Variants in LPIN1 observed in about 807,000 individuals in gnomAD.
LPIN1 encodes lipin 1.
LPIN1 carries 71 observed loss-of-function variants against 107.5 expected under a neutral mutation model. That is an observed-to-expected ratio of 0.66 (90% CI 0.55 to 0.80). The LOEUF is 0.80. Among genes scored for constraint, LPIN1 ranks in the 30% least tolerant of loss-of-function variants. LPIN1 has a pLI of 0.00. For missense variants in LPIN1, 1,043 were observed against 1,160.6 expected, an observed-to-expected ratio of 0.90 and a Z score of 1.47; for synonymous variants, 445 against 452.6, an observed-to-expected ratio of 0.98 and a Z score of 0.21.
intron 17 of LPIN1, among the ~76,000 whole-genome samples, chr2:11,809,695 C>T (rs913944382): frequency 3.3e-5 from 5 of 152,202 alleles, no homozygotes; most frequent in Admixed American, 2.0e-4. Flanking sequence ...GGATTACAGG[C>T]GTGAGCCACT....
intron 19 of LPIN1, 42 bp from the exon 20 acceptor site, chr2:11,820,369 T>G (rs1176859110): frequency 7.6e-7 from 1 of 1,316,094 alleles, no homozygotes; most frequent in African/African-American, 1.4e-5. Flanking sequence ...TACAATGAAC[T>G]CTTTTCTAAT....
chr2:11,810,643 G>T (rs1219045316), intron 17 of LPIN1, among the ~76,000 whole-genome samples: 3 of 152,136 alleles, frequency 2.0e-5, no homozygotes, highest in Non-Finnish European at 1.5e-5. Flanking sequence ...CTCAACTGAC[G>T]GACATATGGC....
At chr2:11,747,528 C>T (rs920789845) in intron 1 of LPIN1, among the ~76,000 whole-genome samples, 17 of 152,120 alleles carry the variant, frequency 1.1e-4, no homozygotes, top group African/African-American at 3.9e-4. Context: ...TTTTAGAACC[C>T]GGCAGTTTCC....
chr2:11,822,277 C>CAA (rs751514674), intron 20 of LPIN1, among the ~76,000 whole-genome samples: 195 of 78,858 alleles, frequency 2.5e-3, no homozygotes, highest in African/African-American at 6.0e-3. Flanking sequence ...CTAGAAATGC[C>CAA]AAAAAAAAAA....
chr2:11,776,990 T>A (rs6717771), intron 6 of LPIN1, among the ~76,000 whole-genome samples: 48,155 of 152,166 alleles, frequency 0.32, 10,654 homozygotes, highest in African/African-American at 0.63. Context: ...ACAAAGTTGT[T>A]AATAGTTAAA....
At chr2:11,711,205 G>A (rs13390584) in intron 1 of LPIN1, among the ~76,000 whole-genome samples, 23,486 of 152,088 alleles carry the variant, frequency 0.15, 2,009 homozygotes, top group East Asian at 0.3. Context: ...GAAGAATTTG[G>A]GTTGGATGGT....
chr2:11,789,529 CAT>C (rs1229990537), intron 12 of LPIN1, among the ~76,000 whole-genome samples: 7 of 143,460 alleles, frequency 4.9e-5, no homozygotes, highest in Non-Finnish European at 9.3e-5. Flanking sequence ...TGGATGTGCA[CAT>C]GTGTGCGTGC....
At position 11,795,452 on chromosome 2, in the gene LPIN1, C is replaced by A. The variant is rs145533166; in HGVS notation, c.1851C>A (p.Thr617=). ...EQCLAGKAHS[T]GEQPPQLSLA... ...GCTTGGCTGGCAAGGCCCATAGCACCGGAGAGCAACCGCCGCAGCTCAGCT... is the reference window on the plus strand; with the variant it reads ...GCTTGGCTGGCAAGGCCCATAGCACAGGAGAGCAACCGCCGCAGCTCAGCT... Residue 617 remains threonine, a synonymous_variant, in exon 14 of 21, where the codon ACC becomes ACA. Coordinates refer to ENST00000674199, the MANE Select transcript of LPIN1 (RefSeq NM_001349206.2). 1 of 1,614,072 alleles carries A rather than the reference C, an allele frequency of 6.2e-7. No individual in the cohort carries two copies. Among genetic ancestry groups the A allele is most frequent in the Non-Finnish European group, 8.5e-7 (1 of 1,180,020 alleles).
At chr2:11,699,189 A>G (rs1430791125) in intron 1 of LPIN1, among the ~76,000 whole-genome samples, 1 of 152,216 alleles carries the variant, frequency 6.6e-6, no homozygotes, top group Non-Finnish European at 1.5e-5. Flanking sequence ...AAACCAAAAG[A>G]TGGGACACTC....
Position 11,805,180 on chromosome 2 carries a change from C to T in LPIN1, c.2249+24C>T, listed in dbSNP as rs774294301. The T allele has an allele frequency of 2.8e-5, 44 of 1,558,566 alleles. 1 individual carries two copies. The East Asian group carries it at 2.9e-4, about 10-fold the overall frequency. ...CAGTGAGTACAGAGTTCCTGTTTCC[C>T]GCCTCCTGTGAACGCTGGTGTGTGC... On this transcript the variant is annotated intron_variant, in intron 17 of 20. Coordinates refer to ENST00000674199, the MANE Select transcript of LPIN1 (RefSeq NM_001349206.2).
chr2:11,827,350 C>T lies in LPIN1; in HGVS notation c.*2559C>T, dbSNP rs1469268850. The T allele has an allele frequency of 6.6e-6, 1 of 152,098 alleles. No individual in the cohort carries two copies. Among genetic ancestry groups the T allele is most frequent in the Non-Finnish European group, 1.5e-5 (1 of 68,034 alleles). 9.4% of individuals were successfully genotyped at this position (152,098 alleles called of 1,614,324 possible). On this transcript the variant is annotated 3_prime_UTR_variant, in exon 21 of 21. Transcript: ENST00000674199. This position sits in a 1 kb window ranked among gnomAD's most constrained non-coding sequence, Gnocchi z 4.1. ...CACTGTAATACTTCATTGTGTTGTA[C>T]TGGATGCAAAGCTAGAAAATATTGC...
intron 12 of LPIN1, among the ~76,000 whole-genome samples, chr2:11,789,687 T>C (rs1285820037): frequency 6.6e-6 from 1 of 152,180 alleles, no homozygotes; most frequent in Non-Finnish European, 1.5e-5. Context: ...AGAGTGGTTT[T>C]TATTTTGTCC....
chr2:11,748,192 G>A (rs1306780730), intron 1 of LPIN1, among the ~76,000 whole-genome samples: 1 of 152,324 alleles, frequency 6.6e-6, no homozygotes, highest in Non-Finnish European at 1.5e-5. Context: ...AATTGGCCTG[G>A]CCCAGCCAGA....
chr2:11,785,513 A>G (rs1214111240), intron 10 of LPIN1, among the ~76,000 whole-genome samples: 1 of 152,156 alleles, frequency 6.6e-6, no homozygotes, highest in Non-Finnish European at 1.5e-5. Context: ...TGATTCATTC[A>G]CAGCACCTGC....
intron 17 of LPIN1, among the ~76,000 whole-genome samples, chr2:11,814,270 T>G (rs1680186371): frequency 6.6e-6 from 1 of 152,090 alleles, no homozygotes; most frequent in Non-Finnish European, 1.5e-5. Flanking sequence ...GGGAGTCCAT[T>G]CCTACAAGAA....
intron 1 of LPIN1, among the ~76,000 whole-genome samples, chr2:11,729,115 G>A (rs1263034501): frequency 6.6e-6 from 1 of 152,096 alleles, no homozygotes; most frequent in Non-Finnish European, 1.5e-5. Context: ...ACATGAACAC[G>A]GGGAGGGGAA....
At chr2:11,734,986 G>A (rs1665638173) in intron 1 of LPIN1, among the ~76,000 whole-genome samples, 1 of 152,130 alleles carries the variant, frequency 6.6e-6, no homozygotes, top group South Asian at 2.1e-4. Context: ...GCAGAGACCA[G>A]AAGGTTATTC....
rs148331858 is a variant in LPIN1 at position 11,697,960 on chromosome 2, T to G, written c.82-15796T>G. ...TGTGGGTGGCTTCCTGACCCAGAAG[T>G]GCCCAGTTTTGCCTACAGTCCTGGT... On this transcript the variant is annotated intron_variant, in intron 1 of 21. Coordinates refer to the LPIN1 transcript ENST00000449576. The surrounding 1 kb of genome is among the most constrained non-coding windows in gnomAD (Gnocchi z 4.6). Among the ~76,000 whole-genome samples the G allele has an allele frequency of 2.6e-5, 4 of 152,220 alleles. No homozygotes were observed. Among genetic ancestry groups the G allele is most frequent in the African/African-American group, 9.6e-5 (4 of 41,528 alleles).
chr2:11,757,860 C>T (rs1668919603), intron 1 of LPIN1, among the ~76,000 whole-genome samples: 1 of 152,002 alleles, frequency 6.6e-6, no homozygotes, highest in Admixed American at 6.6e-5. Context: ...CCATTTTAAC[C>T]ATCTTTAAGT....
Sources: allele counts gnomAD v4.1 joint callset (sites outside exome capture counted in the v4.1 genomes callset), GRCh38; gene constraint gnomAD v4.1.1; non-coding constraint Gnocchi (gnomAD v3.1); transcripts MANE v1.5; gene names NCBI Gene and HGNC (gene_info 2026-07-23, HGNC 2026-07-21).